The following RGPD3 variants were observed in gnomAD, a reference collection of about 807,000 sequenced individuals.
RGPD3 encodes the protein RANBP2 like and GRIP domain containing 3.
Under a neutral mutation model 154.5 loss-of-function variants are expected in RGPD3, and 62 were observed. The observed-to-expected ratio is 0.40, with a 90% confidence interval of 0.33 to 0.50. RGPD3 has a LOEUF of 0.50. Among genes scored for constraint, RGPD3 ranks in the 20% least tolerant of loss-of-function variants. The probability of loss-of-function intolerance (pLI) is 0.59; values close to 1 mark genes in which losing one functional copy is unlikely to be tolerated. For missense variants in RGPD3, 919 were observed against 1,716.8 expected (o/e 0.54, Z 8.21); for synonymous variants, 308 against 607.0 (o/e 0.51, Z 7.24).
intron 22 of RGPD3, among the ~76,000 whole-genome samples, chr2:106,407,934 TAG>T (rs1465739815): frequency 7.6e-6 from 1 of 131,720 alleles, no homozygotes; most frequent in Admixed American, 8.1e-5. Flanking sequence ...TATTTACTTG[TAG>T]AGAGTTTTAG....
At position 106,468,154 on chromosome 2, in the gene RGPD3, G is replaced by A. The variant is rs993557442; in HGVS notation, c.72+63C>T. ...CGCCTGAGCCATCGAGGCCGCCGCC[G>A]GGCCGGGTCGAGGCCGCCGCCCGGC... On this transcript the variant is annotated intron_variant, in intron 1 of 22. Coordinates refer to ENST00000409886, the MANE Select transcript of RGPD3 (RefSeq NM_001144013.2). 19 of 1,533,322 alleles carry A rather than the reference G, an allele frequency of 1.2e-5. No individual in the cohort carries two copies. The Admixed American group carries it at 2.6e-4, about 21-fold the overall frequency. 95.0% of individuals were successfully genotyped at this position (1,533,322 alleles called of 1,614,324 possible).
Position 106,416,028 on chromosome 2 carries a change from T to C in RGPD3, c.4925-39A>G, listed in dbSNP as rs548157579. On this transcript the variant is annotated intron_variant, in intron 20 of 22. Coordinates refer to ENST00000409886, the MANE Select transcript of RGPD3 (RefSeq NM_001144013.2). ...TTCCAAGAATTAATTTTCAAAATCATACATTACAGATGAAGATTCTAAATA... is the reference window on the plus strand; with the variant it reads ...TTCCAAGAATTAATTTTCAAAATCACACATTACAGATGAAGATTCTAAATA... 4.2e-5 allele frequency: 68 copies of C among 1,609,684 alleles called. No homozygotes were observed. In the East Asian group the frequency reaches 1.4e-3, roughly 33 times the overall value.
Position 106,436,577 on chromosome 2 carries a change from C to G in RGPD3, c.1471G>C (p.Gly491Arg). The G allele has an allele frequency of 6.2e-7, 1 of 1,611,410 alleles. No homozygotes were observed. The highest frequency in any genetic ancestry group is 8.5e-7 in the Non-Finnish European group (1 of 1,179,752). The change falls in exon 11 of 23, where the codon GGA becomes CGA. Residue 491 changes from glycine to arginine, a missense_variant. Transcript: ENST00000409886. ...CILDLEVFLL[G>R]VVYTSHLQLK... is the part of the protein sequence containing the mutation. ...TGTAAGTGGCTGGTATATACTACTC[C>G]AAGGAGAAATACCTGTTTCATTTAA...
intron 1 of RGPD3, among the ~76,000 whole-genome samples, chr2:106,465,652 G>A (rs1678549989): frequency 6.6e-6 from 1 of 150,988 alleles, no homozygotes. Flanking sequence ...CATGTAAAGA[G>A]GAAAAATACC....
chr2:106,464,331 A>T (rs1295867325), intron 1 of RGPD3, among the ~76,000 whole-genome samples: 2 of 118,290 alleles, frequency 1.7e-5, no homozygotes, highest in South Asian at 3.7e-4. Context: ...ATAGAGCGAG[A>T]CTCCATCTCA....
chr2:106,446,769 C>G (rs1677949364), intron 7 of RGPD3, among the ~76,000 whole-genome samples: 1 of 151,368 alleles, frequency 6.6e-6, no homozygotes, highest in Non-Finnish European at 1.5e-5. Flanking sequence ...GTAGTCCCAG[C>G]TACTCGGGAG....
At chr2:106,450,110 T>G (rs1319826721) in intron 6 of RGPD3, among the ~76,000 whole-genome samples, 2 of 143,398 alleles carry the variant, frequency 1.4e-5, no homozygotes, top group African/African-American at 5.2e-5. Context: ...CTGGGCGCGG[T>G]GGCTCATGCC....
At chr2:106,410,186 C>T (rs1345848006) in intron 22 of RGPD3, among the ~76,000 whole-genome samples, 2 of 152,034 alleles carry the variant, frequency 1.3e-5, no homozygotes, top group African/African-American at 2.4e-5. Context: ...TACATTCTCT[C>T]TCTTAAAGAG....
chr2:106,461,388 T>C (rs1678399676), intron 1 of RGPD3, among the ~76,000 whole-genome samples: 1 of 152,102 alleles, frequency 6.6e-6, no homozygotes, highest in African/African-American at 2.4e-5. Context: ...ATAACTGAGA[T>C]GGCTAGTATG....
chr2:106,465,910 C>T (rs962039500), intron 1 of RGPD3, among the ~76,000 whole-genome samples: 1 of 151,778 alleles, frequency 6.6e-6, no homozygotes, highest in African/African-American at 2.4e-5. Flanking sequence ...CAAATGTCCG[C>T]GCTGAGATGC....
chr2:106,405,272 A>C lies in RGPD3; in HGVS notation c.5267-43T>G, dbSNP rs779083855. 1.9e-6 allele frequency: 3 copies of C among 1,588,630 alleles called. No individual in the cohort carries two copies. The African/African-American group carries it at 4.1e-5, about 22-fold the overall frequency. ...AAAAAAAAGAAAAAAGAGAGTATTA[A>C]AATTTCTCAATGTAAAATCTATATT... On this transcript the variant is annotated intron_variant, in intron 22 of 22. Coordinates refer to ENST00000409886, the MANE Select transcript of RGPD3 (RefSeq NM_001144013.2).
chr2:106,417,740 C>T (rs1216802670), intron 20 of RGPD3, among the ~76,000 whole-genome samples: 1 of 149,438 alleles, frequency 6.7e-6, no homozygotes, highest in Non-Finnish European at 1.5e-5. Flanking sequence ...TACAGAGGTA[C>T]ACAAAATGAA....
chr2:106,465,496 A>G (rs1447998286), intron 1 of RGPD3, among the ~76,000 whole-genome samples: 2 of 151,306 alleles, frequency 1.3e-5, no homozygotes, highest in East Asian at 3.9e-4. Flanking sequence ...TGTCTAGACC[A>G]GTGGTTTTTA....
At chr2:106,467,331 C>A (rs1343686858) in intron 1 of RGPD3, among the ~76,000 whole-genome samples, 5 of 97,838 alleles carry the variant, frequency 5.1e-5, no homozygotes, top group African/African-American at 7.6e-5. Flanking sequence ...CCTGAGCCAT[C>A]GAGGCCGCCG....
At chr2:106,448,332 G>A (rs1558855679) in intron 6 of RGPD3, among the ~76,000 whole-genome samples, 4 of 152,260 alleles carry the variant, frequency 2.6e-5, no homozygotes, top group South Asian at 4.1e-4. Context: ...GGCTGGTCTC[G>A]AACTCCTGAC....
At position 106,435,113 on chromosome 2, in the gene RGPD3, T is replaced by C; in HGVS notation, c.1848A>G (p.Ile616Met). The change falls in exon 13 of 23, where the codon ATA becomes ATG. Residue 616 changes from isoleucine (I) to methionine (M), a missense_variant. Ile to Met is a conservative substitution (Grantham distance 10). Coordinates refer to ENST00000409886, the MANE Select transcript of RGPD3 (RefSeq NM_001144013.2). ...CAGGAATACTGTTCTTCTTTTTTAT[T>C]ATCTTCAACAATGGCAAAACTTTCT... is the stretch of plus-strand genomic sequence containing the variant. ...YWKKVLPLLK[I>M]IKKKNSIPEP... 1.3e-6 allele frequency: 1 copy of C among 749,370 alleles called. No homozygotes were observed. Among genetic ancestry groups the C allele is most frequent in the East Asian group, 2.6e-5 (1 of 38,622 alleles). The allele number at this position is 749,370 out of a possible 1,614,324, so 46.4% of individuals were successfully genotyped here. A position where few individuals can be genotyped will look rare whatever the true frequency, so the allele number is the denominator to read the frequency against.
At chr2:106,414,883 G>C (rs1676777974) in intron 21 of RGPD3, among the ~76,000 whole-genome samples, 1 of 151,876 alleles carries the variant, frequency 6.6e-6, no homozygotes, top group Admixed American at 6.6e-5. Flanking sequence ...AAAGTACAGG[G>C]GAAAAGCATG....
chr2:106,465,434 C>T lies in RGPD3; in HGVS notation c.72+2783G>A, dbSNP rs373147029. The stretch of plus-strand genomic sequence containing the variant: ...ACCAATCGTCAAAATCTTGCCACCA[C>T]TCCACTTTATTTAATGGAGAAGTTA... On this transcript the variant is annotated intron_variant, in intron 1 of 22. Transcript: ENST00000409886. 2.6e-5 allele frequency among the ~76,000 whole-genome samples: 4 copies of T among 152,284 alleles called. 1 individual carries two copies. The highest frequency in any genetic ancestry group is 1.9e-4 in the East Asian group (1 of 5,170).
At chr2:106,413,639 G>A (rs1428937070) in intron 21 of RGPD3, among the ~76,000 whole-genome samples, 3 of 152,130 alleles carry the variant, frequency 2.0e-5, no homozygotes, top group Admixed American at 1.3e-4. Flanking sequence ...GAAGTAGAAA[G>A]GCAACAAGCT....
Sources: gnomAD v4.1 joint callset for allele counts (sites outside exome capture counted in the v4.1 genomes callset) on GRCh38, gnomAD v4.1.1 for gene constraint, MANE v1.5 for transcripts, NCBI Gene and HGNC (gene_info 2026-07-23, HGNC 2026-07-21) for gene names.